MAN1B1: variants seen among roughly 807,000 people sequenced by gnomAD.
MAN1B1 encodes the protein endoplasmic reticulum mannosyl-oligosaccharide 1,2-alpha-mannosidase.
Under a neutral mutation model 75.5 loss-of-function variants are expected in MAN1B1, and 66 were observed. The observed-to-expected ratio is 0.87, with a 90% confidence interval of 0.72 to 1.07. The LOEUF is 1.07. Among genes scored for constraint, MAN1B1 ranks in the 50% least tolerant of loss-of-function variants. The pLI is 0.00. For synonymous variants in MAN1B1, 453 were observed against 382.8 expected, an observed-to-expected ratio of 1.18 and a Z score of -2.14; for missense variants, 973 against 912.5, an observed-to-expected ratio of 1.07 and a Z score of -0.85.
rs375423761 is a variant in MAN1B1, at chr9:137,108,341, G to A, written c.1897-47G>A. 50 of 1,513,292 alleles carry A rather than the reference G, an allele frequency of 3.3e-5. No individual in the cohort carries two copies. In the Middle Eastern group the frequency reaches 2.2e-3, roughly 68 times the overall value. 93.7% of individuals were successfully genotyped at this position (1,513,292 alleles called of 1,614,324 possible). A position where few individuals can be genotyped will look rare whatever the true frequency, so the allele number is the denominator to read the frequency against. The stretch of plus-strand genomic sequence containing the variant: ...CGCTTCGGTGATGAGGCTGAGGGGG[G>A]TGCAGGGTGCCCCCCGTGTGGTGAC... On this transcript the variant is annotated intron_variant, in intron 12 of 12. Coordinates refer to ENST00000371589, the MANE Select transcript of MAN1B1 (RefSeq NM_016219.5).
intron 5 of MAN1B1, among the ~76,000 whole-genome samples, chr9:137,098,848 A>C (rs574192911): frequency 8.5e-5 from 13 of 152,274 alleles, no homozygotes; most frequent in African/African-American, 3.1e-4. Flanking sequence ...TCTACAAAAA[A>C]AAAAGAAATT....
At chr9:137,091,788 A>G (rs1044695464) in intron 3 of MAN1B1, among the ~76,000 whole-genome samples, 2 of 151,608 alleles carry the variant, frequency 1.3e-5, no homozygotes, top group South Asian at 4.2e-4. Flanking sequence ...AGCCTCCCAA[A>G]GTGCTGGGAT....
chr9:137,106,621 T>C (rs1260639213), intron 9 of MAN1B1, 68 bp from the exon 10 acceptor site: 2 of 1,607,010 alleles, frequency 1.2e-6, no homozygotes, highest in East Asian at 2.2e-5. Flanking sequence ...AGGATGTGCC[T>C]GTCCCTGGTG....
rs753503405 is a variant in MAN1B1, at chr9:137,087,171, G to T, written c.172G>T (p.Glu58Ter). 1.1e-5 allele frequency: 17 copies of T among 1,594,166 alleles called. No homozygotes were observed. The Admixed American group carries it at 1.2e-4, about 11-fold the overall frequency. Reference sequence around the variant, plus strand: ...CATCTCGGTGACGCTGAGCTTTGGCGAGAACTATGACAACAGCAAGAGTTG... The same window carrying T: ...CATCTCGGTGACGCTGAGCTTTGGCTAGAACTATGACAACAGCAAGAGTTG... The part of the protein sequence containing the change: ...DFISVTLSFG[E>*]NYDNSKSWRR... Residue 58 changes from glutamate (E) to a stop codon, truncating the protein, a stop_gained, in exon 1 of 13, where the codon GAG becomes TAG. Coordinates refer to ENST00000371589, the MANE Select transcript of MAN1B1 (RefSeq NM_016219.5). LOFTEE classifies it high-confidence loss of function.
intron 8 of MAN1B1, chr9:137,103,880 T>TA (rs1564303727): frequency 2.2e-6 from 1 of 454,486 alleles, no homozygotes; most frequent in African/African-American, 2.0e-5. Context: ...TCAGTGGTGT[T>TA]ACACACATTC....
chr9:137,105,759 C>T (rs560497082), intron 8 of MAN1B1: 7 of 426,204 alleles, frequency 1.6e-5, no homozygotes, highest in Middle Eastern at 4.2e-4. Flanking sequence ...GCACACTTGC[C>T]GTCCCTCCAG....
At position 137,108,629 on chromosome 9, in the gene MAN1B1, G is replaced by C. The variant is rs1831204279; in HGVS notation, c.*38G>C. 2 of 1,593,850 alleles carry C rather than the reference G, an allele frequency of 1.3e-6. No homozygotes were observed. The highest frequency in any genetic ancestry group is 8.6e-7 in the Non-Finnish European group (1 of 1,162,306). ...CTGGTGTGGGGACTTCGGGTGGGCA[G>C]AGGCACCTTGCTGGGTCTGTGGCAT... is the stretch of plus-strand genomic sequence containing the variant. On this transcript the variant is annotated 3_prime_UTR_variant, in exon 13 of 13. Transcript: ENST00000371589.
At chr9:137,102,156 T>TA (rs1256125593) in intron 8 of MAN1B1, 1 of 421,180 alleles carries the variant, frequency 2.4e-6, no homozygotes, top group Non-Finnish European at 4.7e-6. Context: ...TCGGTGCTGT[T>TA]ACACACATTC....
At chr9:137,101,741 CTGTG>C (rs149690374) in intron 8 of MAN1B1, 69 bp downstream of exon 8, 25 of 1,465,280 alleles carry the variant, frequency 1.7e-5, no homozygotes, top group Non-Finnish European at 2.1e-5. Context: ...ACAGCAGGTA[CTGTG>C]TGTGTGTGTG....
At chr9:137,104,113 C>G (rs971131995) in intron 8 of MAN1B1, 20 of 455,496 alleles carry the variant, frequency 4.4e-5, no homozygotes, top group African/African-American at 3.2e-4. Context: ...CTGAAGCTCT[C>G]CCATCACACA....
chr9:137,096,262 G>T lies in MAN1B1; in HGVS notation c.491G>T (p.Gly164Val). 6.2e-7 allele frequency: 1 copy of T among 1,614,154 alleles called. No individual in the cohort carries two copies. Among genetic ancestry groups the T allele is most frequent in the South Asian group, 1.1e-5 (1 of 91,080 alleles). The change falls in exon 4 of 13, where the codon GGA (glycine) becomes GTA (valine). Residue 164 changes from glycine (G) to valine (V), a missense_variant. Physicochemically the swap from Gly to Val is moderately radical, Grantham distance 109 (BLOSUM62 -3). Coordinates refer to ENST00000371589, the MANE Select transcript of MAN1B1 (RefSeq NM_016219.5). ...SQKTQRHIQR[G>V]PPHLQIRPPS... Reference sequence around the variant, plus strand: ...AAGACACAAAGACACATCCAGCGGGGACCACCTCACCTGCAGATTAGACCC... The same window carrying T: ...AAGACACAAAGACACATCCAGCGGGTACCACCTCACCTGCAGATTAGACCC...
chr9:137,106,013 G>A (rs1213052677), intron 8 of MAN1B1, 112 bp from the exon 9 acceptor site: 4 of 842,570 alleles, frequency 4.7e-6, no homozygotes, highest in Admixed American at 2.0e-5. Context: ...TCTCTCTGCT[G>A]GGAGTCAGTC....
At chr9:137,107,091 C>G in intron 10 of MAN1B1, 159 bp from the exon 11 acceptor site, 1 of 829,062 alleles carries the variant, frequency 1.2e-6, no homozygotes, top group Non-Finnish European at 1.9e-6. Context: ...GGGCCTGGTC[C>G]AGGCAGCTCC....
intron 5 of MAN1B1, among the ~76,000 whole-genome samples, chr9:137,098,992 G>A (rs1393390756): frequency 6.6e-6 from 1 of 152,146 alleles, no homozygotes; most frequent in Admixed American, 6.5e-5. Flanking sequence ...ACCACACCTG[G>A]CTAATTTTTG....
chr9:137,103,955 G>T (rs1831001012), intron 8 of MAN1B1: 1 of 440,498 alleles, frequency 2.3e-6, no homozygotes, highest in Non-Finnish European at 4.5e-6. Context: ...GTGCAGGTCG[G>T]TGGTGTTGCA....
At chr9:137,099,984 G>C (rs1830764835) in intron 6 of MAN1B1, 103 bp downstream of exon 6, 2 of 1,360,206 alleles carry the variant, frequency 1.5e-6, no homozygotes, top group South Asian at 2.4e-5. Context: ...GTTTGCATCT[G>C]ACCATGGGTT....
At position 137,088,976 on chromosome 9, in the gene MAN1B1, C is replaced by G. The variant is rs1339579164; in HGVS notation, c.436C>G (p.Pro146Ala). The G allele has an allele frequency of 1.2e-6, 2 of 1,613,824 alleles. No homozygotes were observed. Among genetic ancestry groups the G allele is most frequent in the Admixed American group, 1.7e-5 (1 of 60,002 alleles). Reference sequence around the variant, plus strand: ...AGCTCCTCAGAAGGCGGACACCGACCCTGAGAACTTACCTGAGATTTCGTC... The same window carrying G: ...AGCTCCTCAGAAGGCGGACACCGACGCTGAGAACTTACCTGAGATTTCGTC... ...LPAPQKADTD[P>A]ENLPEISSQK... The change falls in exon 3 of 13, where the codon CCT becomes GCT. Residue 146 changes from proline (P) to alanine (A), a missense_variant. Coordinates refer to ENST00000371589, the MANE Select transcript of MAN1B1 (RefSeq NM_016219.5).
At chr9:137,097,015 C>T (rs1031648001) in intron 4 of MAN1B1, among the ~76,000 whole-genome samples, 5 of 152,316 alleles carry the variant, frequency 3.3e-5, no homozygotes, top group Admixed American at 2.0e-4. Flanking sequence ...AAGCGCTGTC[C>T]GCCGTGAGAG....
chr9:137,098,838 T>G (rs1830728693), intron 5 of MAN1B1, among the ~76,000 whole-genome samples: 1 of 151,778 alleles, frequency 6.6e-6, no homozygotes, highest in Non-Finnish European at 1.5e-5. Context: ...AGGCCCCATC[T>G]CTACAAAAAA....
Sources: gnomAD v4.1 joint callset for allele counts (sites outside exome capture counted in the v4.1 genomes callset) on GRCh38, gnomAD v4.1.1 for gene constraint, MANE v1.5 for transcripts, NCBI Gene and HGNC (gene_info 2026-07-23, HGNC 2026-07-21) for gene names.